The following STAU2 variants were observed in gnomAD, a reference collection of about 807,000 sequenced individuals.
The protein encoded by STAU2 is double-stranded RNA-binding protein Staufen homolog 2.
Under a neutral mutation model 65.9 loss-of-function variants are expected in STAU2, and 20 were observed. The observed-to-expected ratio is 0.30, with a 90% CI of 0.21 to 0.44. The LOEUF (loss-of-function observed/expected upper bound fraction) is 0.44. Among genes scored for constraint, STAU2 ranks in the 20% least tolerant of loss-of-function variants. The pLI is 1.00. For synonymous variants in STAU2, 232 were observed against 233.9 expected (o/e 0.99, Z 0.07); for missense variants, 558 against 683.9 (o/e 0.82, Z 2.05).
At chr8:73,639,471 T>A (rs974240118) in intron 6 of STAU2, among the ~76,000 whole-genome samples, 1 of 152,072 alleles carries the variant, frequency 6.6e-6, no homozygotes, top group Non-Finnish European at 1.5e-5. Flanking sequence ...CCTAGCAACA[T>A]ATTCTAGTCT....
At chr8:73,445,776 A>G (rs1818433796) in intron 13 of STAU2, among the ~76,000 whole-genome samples, 1 of 152,190 alleles carries the variant, frequency 6.6e-6, no homozygotes, top group African/African-American at 2.4e-5. Flanking sequence ...GGCTACTAAG[A>G]CCATATTATA....
Position 73,624,675 on chromosome 8 carries a change from T to G in STAU2, c.411-7224A>C, listed in dbSNP as rs1167834775. Among the ~76,000 whole-genome samples, 3 of 152,196 alleles carry G rather than the reference T, an allele frequency of 2.0e-5. No individual in the cohort carries two copies. The East Asian group carries it at 5.8e-4, about 29-fold the overall frequency. ...TCACTCCAGAACCCATGCTCATAAC[T>G]GCTATACCATGCTGCCTCTGAATGA... On this transcript the variant is annotated intron_variant, in intron 6 of 14. Coordinates refer to ENST00000524300, the MANE Select transcript of STAU2 (RefSeq NM_001164380.2).
At chr8:73,672,197 T>G (rs1311730715) in intron 6 of STAU2, 1 of 152,144 alleles carries the variant, frequency 6.6e-6, no homozygotes, top group Admixed American at 6.5e-5. Flanking sequence ...ATAAGCAACA[T>G]GGATGAATCC....
intron 6 of STAU2, among the ~76,000 whole-genome samples, chr8:73,662,389 A>AT (rs141331700): frequency 0.013 from 1,950 of 152,028 alleles, 46 homozygotes; most frequent in African/African-American, 0.044. Flanking sequence ...TAATTTCTCA[A>AT]TTTTTTCATG....
At chr8:73,720,494 A>ACTTT (rs1821567193) in intron 3 of STAU2, among the ~76,000 whole-genome samples, 1 of 55,354 alleles carries the variant, frequency 1.8e-5, no homozygotes, top group African/African-American at 7.3e-5. Flanking sequence ...AGTTTAAAAT[A>ACTTT]CTTTCTTTTT....
chr8:73,673,241 G>T lies in STAU2; in HGVS notation c.276C>A (p.Gly92=). The change falls in exon 6 of 15, where the codon GGC becomes GGA. Residue 92 remains glycine, a splice_region_variant and synonymous_variant. Transcript: ENST00000524300. ...PPKSNVNNNP[G]SITPTVELNG... is the part of the protein sequence containing the mutation. ...TCAGTTCCACAGTTGGAGTTATACT[G>T]CCTGTTTAAAAAAAAAACATTAAAG... The T allele has an allele frequency of 1.3e-6, 2 of 1,550,946 alleles. No individual in the cohort carries two copies. Among genetic ancestry groups the T allele is most frequent in the South Asian group, 1.2e-5 (1 of 80,500 alleles).
chr8:73,433,235 T>G (rs1220746835), intron 13 of STAU2, among the ~76,000 whole-genome samples: 5 of 152,058 alleles, frequency 3.3e-5, no homozygotes. Flanking sequence ...AGATGGAGTC[T>G]TGCTCTGTTG....
chr8:73,526,678 T>TA (rs1439113378), intron 13 of STAU2, among the ~76,000 whole-genome samples: 9 of 152,216 alleles, frequency 5.9e-5, no homozygotes, highest in Non-Finnish European at 1.2e-4. Context: ...TATGTCTACT[T>TA]ACTCTGACTC....
At chr8:73,516,409 T>G (rs1480226997) in intron 13 of STAU2, among the ~76,000 whole-genome samples, 1 of 152,074 alleles carries the variant, frequency 6.6e-6, no homozygotes, top group Non-Finnish European at 1.5e-5. Flanking sequence ...AAATTTCACA[T>G]ATGTCTAGAA....
chr8:73,437,946 C>T (rs1239976295), intron 13 of STAU2, among the ~76,000 whole-genome samples: 1 of 152,176 alleles, frequency 6.6e-6, no homozygotes, highest in East Asian at 1.9e-4. Context: ...CCCGTTACTC[C>T]TCCGCTCTGT....
At chr8:73,640,965 A>T (rs1814913426) in intron 6 of STAU2, among the ~76,000 whole-genome samples, 1 of 151,952 alleles carries the variant, frequency 6.6e-6, no homozygotes, top group Non-Finnish European at 1.5e-5. Context: ...AAGAAGCAAT[A>T]AAAAAAACAG....
At chr8:73,717,555 T>C (rs1404117422) in intron 3 of STAU2, among the ~76,000 whole-genome samples, 1 of 152,270 alleles carries the variant, frequency 6.6e-6, no homozygotes, top group African/African-American at 2.4e-5. Context: ...GTCAAAATTA[T>C]TAGTTATCTA....
At chr8:73,558,107 T>A (rs1262450711) in intron 12 of STAU2, among the ~76,000 whole-genome samples, 1 of 152,176 alleles carries the variant, frequency 6.6e-6, no homozygotes, top group African/African-American at 2.4e-5. Flanking sequence ...GCCTCTAGAG[T>A]TTGAATACTT....
chr8:73,635,072 A>G (rs1814390155), intron 6 of STAU2, among the ~76,000 whole-genome samples: 1 of 152,232 alleles, frequency 6.6e-6, no homozygotes. Flanking sequence ...TGCAACACTG[A>G]TAACATCAGA....
chr8:73,682,300 T>C (rs1272670368), intron 5 of STAU2, among the ~76,000 whole-genome samples: 4 of 151,626 alleles, frequency 2.6e-5, no homozygotes, highest in Admixed American at 2.6e-4. Flanking sequence ...TGGCATAAAA[T>C]TGGACATCAA....
intron 5 of STAU2, among the ~76,000 whole-genome samples, chr8:73,684,077 T>G (rs772713526): frequency 4.5e-4 from 68 of 152,038 alleles, no homozygotes; most frequent in Non-Finnish European, 9.1e-4. Context: ...CAAAATACCA[T>G]CATCATTTTT....
At chr8:73,444,378 C>G (rs80226983) in intron 13 of STAU2, among the ~76,000 whole-genome samples, 1 of 148,264 alleles carries the variant, frequency 6.7e-6, no homozygotes, top group Non-Finnish European at 1.5e-5. Context: ...TGCACTCCAG[C>G]CTAAGCAACA....
At chr8:73,567,170 G>A (rs1808671043) in intron 12 of STAU2, among the ~76,000 whole-genome samples, 1 of 152,056 alleles carries the variant, frequency 6.6e-6, no homozygotes, top group African/African-American at 2.4e-5. Context: ...CAAATACTGA[G>A]CACCAACAAT....
At chr8:73,678,254 A>G (rs1818150633) in intron 5 of STAU2, among the ~76,000 whole-genome samples, 1 of 152,220 alleles carries the variant, frequency 6.6e-6, no homozygotes, top group Non-Finnish European at 1.5e-5. Context: ...AGCTACGTAT[A>G]AAACTTAATC....
Sources: gnomAD v4.1 joint callset for allele counts (sites outside exome capture counted in the v4.1 genomes callset) on GRCh38, gnomAD v4.1.1 for gene constraint, MANE v1.5 for transcripts, NCBI Gene and HGNC (gene_info 2026-07-23, HGNC 2026-07-21) for gene names.